The following KCNK1 variants were observed in gnomAD, a reference collection of about 807,000 sequenced individuals.
KCNK1 encodes the protein potassium channel subfamily K member 1.
Under a neutral mutation model 22.2 loss-of-function variants are expected in KCNK1, and 10 were observed. The ratio of observed to expected loss-of-function variants is 0.45; its 90% CI spans 0.28 to 0.76. The LOEUF (loss-of-function observed/expected upper bound fraction) is 0.76. KCNK1 is among the 30% of genes least tolerant of loss of function. The pLI is 0.14. For synonymous variants in KCNK1, 200 were observed against 186.4 expected (o/e 1.07, Z -0.60); for missense variants, 378 against 421.0 (o/e 0.90, Z 0.89).
At position 233,662,268 on chromosome 1, in the gene KCNK1, T is replaced by C. The variant is rs201680462; in HGVS notation, c.356-4327T>C. Among the ~76,000 whole-genome samples the C allele has an allele frequency of 2.3e-4, 31 of 132,452 alleles. No individual in the cohort carries two copies. In the East Asian group the frequency reaches 3.4e-3, roughly 15 times the overall value. The allele number at this position is 132,452 out of a possible 152,430, so 86.9% of individuals were successfully genotyped here. A position where few individuals can be genotyped will look rare whatever the true frequency, so the allele number is the denominator to read the frequency against. ...TTCTTCTTCTTCTTCTTCTTCTTCT[T>C]CTTCTCCTCCTCCTCCTCCTCTTCC... On this transcript the variant is annotated intron_variant, in intron 1 of 2. Coordinates refer to ENST00000366621, the MANE Select transcript of KCNK1 (RefSeq NM_002245.4).
At chr1:233,659,854 A>T (rs773783322) in intron 1 of KCNK1, among the ~76,000 whole-genome samples, 1 of 152,204 alleles carries the variant, frequency 6.6e-6, no homozygotes, top group Non-Finnish European at 1.5e-5. Flanking sequence ...AACACAAACA[A>T]ACATGAGAAG....
chr1:233,659,190 G>GT (rs890147983), intron 1 of KCNK1, among the ~76,000 whole-genome samples: 16 of 149,396 alleles, frequency 1.1e-4, no homozygotes, highest in South Asian at 4.3e-4. Flanking sequence ...AAATTTTTCA[G>GT]TTTTTTTTTA....
intron 1 of KCNK1, among the ~76,000 whole-genome samples, chr1:233,647,128 T>C (rs1446274916): frequency 6.6e-6 from 1 of 152,240 alleles, no homozygotes; most frequent in Non-Finnish European, 1.5e-5. Context: ...GATCCACTTA[T>C]TAATGTGTCA....
Position 233,614,279 on chromosome 1 carries a change from C to G in KCNK1, c.108C>G (p.Phe36Leu). ...LVLGYLLYLVFGAVVFSSVEL... is the reference protein window; with the variant it reads ...LVLGYLLYLVLGAVVFSSVEL... ...TGGGCTACTTGCTCTACCTGGTCTTCGGCGCAGTGGTCTTCTCCTCGGTGG... is the reference window on the plus strand; with the variant it reads ...TGGGCTACTTGCTCTACCTGGTCTTGGGCGCAGTGGTCTTCTCCTCGGTGG... The change falls in exon 1 of 3, where the codon TTC becomes TTG. Residue 36 changes from phenylalanine to leucine, a missense_variant. By Grantham distance (22) the Phe-to-Leu change is conservative. Coordinates refer to ENST00000366621, the MANE Select transcript of KCNK1 (RefSeq NM_002245.4). The G allele has an allele frequency of 2.5e-6, 4 of 1,613,434 alleles. No homozygotes were observed. Among genetic ancestry groups the G allele is most frequent in the Non-Finnish European group, 3.4e-6 (4 of 1,179,882 alleles).
At chr1:233,662,716 A>G (rs924067778) in intron 1 of KCNK1, among the ~76,000 whole-genome samples, 3 of 152,232 alleles carry the variant, frequency 2.0e-5, no homozygotes, top group Non-Finnish European at 4.4e-5. Flanking sequence ...ATGCAAGCTC[A>G]TAACAGGAAA....
At chr1:233,633,658 ACAC>A (rs1223397632) in intron 1 of KCNK1, among the ~76,000 whole-genome samples, 1 of 152,204 alleles carries the variant, frequency 6.6e-6, no homozygotes, top group Non-Finnish European at 1.5e-5. Context: ...TCTGAAAAGG[ACAC>A]AAGCTTTAGT....
chr1:233,656,777 C>T lies in KCNK1; in HGVS notation c.356-9818C>T, dbSNP rs540116991. Among the ~76,000 whole-genome samples, 12 of 152,238 alleles carry T rather than the reference C, an allele frequency of 7.9e-5. No individual in the cohort carries two copies. The East Asian group carries it at 2.3e-3, about 30-fold the overall frequency. On this transcript the variant is annotated intron_variant, in intron 1 of 2. Transcript: ENST00000366621. ...GGGACTACTGGCACATGCCACCATG[C>T]CCAGCTAATTTATTTAGTTTTTGTA...
chr1:233,634,027 G>T (rs1173427783), intron 1 of KCNK1, among the ~76,000 whole-genome samples: 1 of 152,128 alleles, frequency 6.6e-6, no homozygotes, highest in African/African-American at 2.4e-5. Context: ...TACATTTTGG[G>T]CCGGGCGCAG....
At chr1:233,652,018 AG>A (rs1052174243) in intron 1 of KCNK1, among the ~76,000 whole-genome samples, 2 of 152,234 alleles carry the variant, frequency 1.3e-5, no homozygotes, top group African/African-American at 4.8e-5. Flanking sequence ...GAGGCAACAA[AG>A]GTAGCCTTTA....
intron 2 of KCNK1, 23 bp from the exon 3 acceptor site, chr1:233,671,248 A>G: frequency 6.2e-7 from 1 of 1,611,958 alleles, no homozygotes; most frequent in Non-Finnish European, 8.5e-7. Context: ...TCACACTAAG[A>G]CAGTGTCCTG....
At chr1:233,665,502 A>G (rs531692125) in intron 1 of KCNK1, among the ~76,000 whole-genome samples, 3 of 151,228 alleles carry the variant, frequency 2.0e-5, no homozygotes, top group Admixed American at 6.6e-5. Flanking sequence ...ATCAATAGAT[A>G]AGTGTTACAG....
chr1:233,629,371 C>T (rs146475546), intron 1 of KCNK1, among the ~76,000 whole-genome samples: 8 of 152,044 alleles, frequency 5.3e-5, no homozygotes, highest in East Asian at 1.9e-4. Context: ...TAGAGTGGGC[C>T]GGGGAAGAGG....
At chr1:233,616,631 T>A (rs899658027) in intron 1 of KCNK1, among the ~76,000 whole-genome samples, 3 of 152,214 alleles carry the variant, frequency 2.0e-5, no homozygotes, top group African/African-American at 7.2e-5. Context: ...AGTTAGCACA[T>A]CAATGAATTC....
At chr1:233,657,836 T>C (rs1344159060) in intron 1 of KCNK1, among the ~76,000 whole-genome samples, 1 of 152,084 alleles carries the variant, frequency 6.6e-6, no homozygotes, top group Non-Finnish European at 1.5e-5. Flanking sequence ...TTTTTATCAC[T>C]TTGACAAACT....
Position 233,631,282 on chromosome 1 carries a change from T to C in KCNK1, c.355+16756T>C, listed in dbSNP as rs766946426. 7.5e-6 allele frequency: 4 copies of C among 531,600 alleles called. No individual in the cohort carries two copies. The Admixed American group carries it at 7.8e-5, about 10-fold the overall frequency. 32.9% of individuals were successfully genotyped at this position (531,600 alleles called of 1,614,324 possible). ...GCGGGTTTCTGACAACATCAAGATA[T>C]GAAAGGTTGTCACTCACTGAACCCC... On this transcript the variant is annotated intron_variant, in intron 1 of 2. Coordinates refer to ENST00000366621, the MANE Select transcript of KCNK1 (RefSeq NM_002245.4).
At chr1:233,651,388 C>T (rs1658199878) in intron 1 of KCNK1, among the ~76,000 whole-genome samples, 1 of 152,142 alleles carries the variant, frequency 6.6e-6, no homozygotes, top group South Asian at 2.1e-4. Flanking sequence ...AACCTGAAAG[C>T]AAACCCAGAG....
chr1:233,653,332 T>C (rs1658232390), intron 1 of KCNK1, among the ~76,000 whole-genome samples: 1 of 152,178 alleles, frequency 6.6e-6, no homozygotes, highest in Non-Finnish European at 1.5e-5. Context: ...ATTACAGATA[T>C]CCCCTGGTCT....
intron 1 of KCNK1, among the ~76,000 whole-genome samples, chr1:233,621,147 C>T (rs955368533): frequency 6.6e-6 from 1 of 152,188 alleles, no homozygotes; most frequent in African/African-American, 2.4e-5. Context: ...TGTCGAAGTT[C>T]TACCCTCAGT....
intron 1 of KCNK1, among the ~76,000 whole-genome samples, chr1:233,634,280 T>A (rs1571893813): frequency 6.7e-6 from 1 of 148,538 alleles, no homozygotes. Flanking sequence ...CACTCCAGCC[T>A]GGGTAACAGA....
Sources: gnomAD v4.1 joint callset for allele counts (sites outside exome capture counted in the v4.1 genomes callset) on GRCh38, gnomAD v4.1.1 for gene constraint, MANE v1.5 for transcripts, NCBI Gene and HGNC (gene_info 2026-07-23, HGNC 2026-07-21) for gene names.